EPB41L4A: variants seen among roughly 807,000 people sequenced by gnomAD.
The protein encoded by EPB41L4A is erythrocyte membrane protein band 4.1 like 4A.
A neutral mutation model predicts 108.6 loss-of-function variants in EPB41L4A; 100 were observed. The observed-to-expected ratio is 0.92, with a 90% CI of 0.78 to 1.09. The LOEUF is 1.09. Ranked by LOEUF, EPB41L4A falls within the 50% of genes least tolerant of loss-of-function variation. The pLI is 0.00. For synonymous variants in EPB41L4A, 319 were observed against 289.0 expected (o/e 1.10, Z -1.05); for missense variants, 1,030 against 842.7 (o/e 1.22, Z -2.75).
chr5:112,170,916 A>G (rs752439364), intron 19 of EPB41L4A, 29 bp downstream of exon 19: 16 of 1,603,056 alleles, frequency 1.0e-5, no homozygotes, highest in Non-Finnish European at 1.3e-5. Flanking sequence ...ATGGGTTTTA[A>G]AACAATAAGA....
chr5:112,170,174 G>T, intron 20 of EPB41L4A, 127 bp downstream of exon 20: 1 of 865,554 alleles, frequency 1.2e-6, no homozygotes, highest in Non-Finnish European at 1.8e-6. Context: ...TTTCGCTACT[G>T]TCACCTAGTT....
chr5:112,368,380 C>A (rs946705272), intron 1 of EPB41L4A, among the ~76,000 whole-genome samples: 5 of 152,086 alleles, frequency 3.3e-5, no homozygotes, highest in Admixed American at 1.3e-4. Context: ...CATCTGTTGT[C>A]CCCTCTCCCC....
At chr5:112,208,397 T>TA (rs1264203812) in intron 13 of EPB41L4A, among the ~76,000 whole-genome samples, 3 of 151,682 alleles carry the variant, frequency 2.0e-5, no homozygotes, top group African/African-American at 7.3e-5. Flanking sequence ...TACACAGCCA[T>TA]AAAAAAGAAT....
In EPB41L4A at chr5:112,419,057, C is replaced by T; in HGVS notation, c.-18G>A. On this transcript the variant is annotated 5_prime_UTR_variant, in exon 1 of 23. Transcript: ENST00000261486. ...CAGCCCATGTCGGTTGTGGTCGTCTCCAGCCAGGAGAGAAAGCTACCACCG... is the reference window on the plus strand; with the variant it reads ...CAGCCCATGTCGGTTGTGGTCGTCTTCAGCCAGGAGAGAAAGCTACCACCG... 1 of 1,603,476 alleles carries T rather than the reference C, an allele frequency of 6.2e-7. No individual in the cohort carries two copies. Among genetic ancestry groups the T allele is most frequent in the African/African-American group, 1.3e-5 (1 of 74,750 alleles).
At chr5:112,316,213 G>C (rs576232375) in intron 1 of EPB41L4A, among the ~76,000 whole-genome samples, 2 of 152,214 alleles carry the variant, frequency 1.3e-5, no homozygotes, top group East Asian at 3.9e-4. Flanking sequence ...AAACCAGAAA[G>C]GCAGGTTCCT....
At chr5:112,355,366 T>C (rs1758299624) in intron 1 of EPB41L4A, among the ~76,000 whole-genome samples, 1 of 152,206 alleles carries the variant, frequency 6.6e-6, no homozygotes, top group Non-Finnish European at 1.5e-5. Context: ...TTAAATTAAG[T>C]ATGAAATTTC....
chr5:112,249,219 C>T (rs1436064012), intron 9 of EPB41L4A: 1 of 152,160 alleles, frequency 6.6e-6, no homozygotes, highest in Non-Finnish European at 1.5e-5. Context: ...GTCTAAAGTA[C>T]TGTGAGATTT....
intron 1 of EPB41L4A, among the ~76,000 whole-genome samples, chr5:112,388,806 CT>C (rs986857887): frequency 1.3e-5 from 2 of 152,192 alleles, no homozygotes; most frequent in African/African-American, 4.8e-5. Flanking sequence ...ACTGTCTTTC[CT>C]TTTCAAAATG....
chr5:112,387,768 A>G (rs1760661553), intron 1 of EPB41L4A, among the ~76,000 whole-genome samples: 1 of 152,222 alleles, frequency 6.6e-6, no homozygotes, highest in African/African-American at 2.4e-5. Flanking sequence ...CATTATCTGT[A>G]AAAGAGATTG....
rs965744657 is a variant in EPB41L4A at position 112,162,922 on chromosome 5, G to C, written c.*2068C>G. On this transcript the variant is annotated 3_prime_UTR_variant, in exon 23 of 23. Transcript: ENST00000261486. ...ACTTACTTTTGAGACAGTTTTGGCT[G>C]CTTTCCCTCTTCAGTGCCCTGTTTT... The C allele has an allele frequency of 2.0e-5, 3 of 152,220 alleles. No individual in the cohort carries two copies. The highest frequency in any genetic ancestry group is 4.4e-5 in the Non-Finnish European group (3 of 68,052). The allele number at this position is 152,220 out of a possible 1,614,324, so 9.4% of individuals were successfully genotyped here. A position where few individuals can be genotyped will look rare whatever the true frequency, so the allele number is the denominator to read the frequency against.
At chr5:112,143,975 C>T (rs748793971) in intron 13 of EPB41L4A, 20 of 394,478 alleles carry the variant, frequency 5.1e-5, no homozygotes, top group Non-Finnish European at 9.9e-5. Context: ...GGCCACCCTC[C>T]AATTCACCCC....
intron 1 of EPB41L4A, among the ~76,000 whole-genome samples, chr5:112,381,948 T>G (rs2112610341): frequency 6.6e-6 from 1 of 152,364 alleles, no homozygotes; most frequent in South Asian, 2.1e-4. Flanking sequence ...CTGCAGCCAC[T>G]CTAATTCTAA....
intron 4 of EPB41L4A, among the ~76,000 whole-genome samples, chr5:112,266,769 G>A (rs1046931374): frequency 5.9e-5 from 9 of 152,182 alleles, no homozygotes; most frequent in African/African-American, 2.2e-4. Context: ...AAATCACAAA[G>A]ACCCAACCTA....
intron 1 of EPB41L4A, among the ~76,000 whole-genome samples, chr5:112,344,882 T>G (rs56307310): frequency 0.12 from 18,118 of 152,188 alleles, 1,209 homozygotes; most frequent in Non-Finnish European, 0.15. Flanking sequence ...GAGACTGGAG[T>G]GCTTGACTTT....
Position 112,415,055 on chromosome 5 carries a change from T to C in EPB41L4A, c.99+3886A>G, listed in dbSNP as rs372347168. Among the ~76,000 whole-genome samples the C allele has an allele frequency of 1.4e-4, 21 of 152,252 alleles. No individual in the cohort carries two copies. In the East Asian group the frequency reaches 2.5e-3, roughly 18 times the overall value. On this transcript the variant is annotated intron_variant, in intron 1 of 22. Coordinates refer to ENST00000261486, the MANE Select transcript of EPB41L4A (RefSeq NM_022140.5). The stretch of plus-strand genomic sequence containing the variant: ...AAACTTAATATAATTTGTGAAACTA[T>C]TGCTTTTCATTTTTTCCCAATCTTC...
chr5:112,157,093 G>C (rs908782427), intron 12 of EPB41L4A, among the ~76,000 whole-genome samples: 2 of 150,402 alleles, frequency 1.3e-5, no homozygotes, highest in African/African-American at 4.9e-5. Context: ...ACACAGGAGA[G>C]ACAAATAGAC....
In EPB41L4A at chr5:112,281,617, G is replaced by A. The variant is rs995145480; in HGVS notation, c.205-1294C>T. Reference sequence around the variant, plus strand: ...AAGAAGGGGCAATTCCCACCACAGCGAGGTAGGAGCTGACCCACTTTGAGC... The same window carrying A: ...AAGAAGGGGCAATTCCCACCACAGCAAGGTAGGAGCTGACCCACTTTGAGC... On this transcript the variant is annotated intron_variant, in intron 2 of 22. Transcript: ENST00000261486. Among the ~76,000 whole-genome samples the A allele has an allele frequency of 5.3e-5, 8 of 152,348 alleles. 1 individual carries two copies. The South Asian group carries it at 1.0e-3, about 20-fold the overall frequency.
At chr5:112,308,388 AC>A (rs1302254977) in intron 1 of EPB41L4A, among the ~76,000 whole-genome samples, 3 of 152,188 alleles carry the variant, frequency 2.0e-5, no homozygotes, top group Non-Finnish European at 4.4e-5. Context: ...AGCACTTAAT[AC>A]TGCACTGCTT....
chr5:112,417,252 G>A (rs1762770448), intron 1 of EPB41L4A, among the ~76,000 whole-genome samples: 1 of 152,174 alleles, frequency 6.6e-6, no homozygotes, highest in South Asian at 2.1e-4. Flanking sequence ...TATTCCATTT[G>A]ATCCCAAGTC....
Sources: gnomAD v4.1 joint callset for allele counts (sites outside exome capture counted in the v4.1 genomes callset) on GRCh38, gnomAD v4.1.1 for gene constraint, MANE v1.5 for transcripts, NCBI Gene and HGNC (gene_info 2026-07-23, HGNC 2026-07-21) for gene names.